TRABD: variants seen among roughly 807,000 people sequenced by gnomAD.
TRABD encodes the protein traB domain-containing protein.
In TRABD, 23 loss-of-function variants were observed where a neutral mutation model predicts 39.6. The observed-to-expected ratio is 0.58, with a 90% CI of 0.42 to 0.82. The LOEUF (loss-of-function observed/expected upper bound fraction) is 0.82, where lower values mean the gene tolerates loss of function less well. Ranked by LOEUF, TRABD falls within the 40% of genes least tolerant of loss-of-function variation. TRABD has a pLI of 0.00. For missense variants in TRABD, 487 were observed against 544.9 expected (o/e 0.89, Z 1.06); for synonymous variants, 243 against 232.1 (o/e 1.05, Z -0.43).
chr22:50,195,148 G>C lies in TRABD; in HGVS notation c.420+108G>C, dbSNP rs543434716. On this transcript the variant is annotated intron_variant, in intron 5 of 9. Transcript: ENST00000380909. Reference sequence around the variant, plus strand: ...CCATGCCCCCAGTCAGTGTGGCTGTGCCTGGCCTGCCCTGGGGATTGCCGG... The same window carrying C: ...CCATGCCCCCAGTCAGTGTGGCTGTCCCTGGCCTGCCCTGGGGATTGCCGG... 17 of 1,389,114 alleles carry C rather than the reference G, an allele frequency of 1.2e-5. No individual in the cohort carries two copies. The African/African-American group carries it at 1.7e-4, about 14-fold the overall frequency. 86.0% of individuals were successfully genotyped at this position (1,389,114 alleles called of 1,614,324 possible).
At position 50,198,085 on chromosome 22, in the gene TRABD, G is replaced by A. The variant is rs145908973; in HGVS notation, c.855G>A (p.Arg285=). The change falls in exon 9 of 10, where the codon AGG becomes AGA. Residue 285 remains arginine (R), a synonymous_variant. Transcript: ENST00000380909. This position sits in a 1 kb window ranked among gnomAD's most constrained non-coding sequence, Gnocchi z 7.9. ...TGTCCTTCCCCACAGCCGAGCCCAG[G>A]AAGTGCGTCCCCTCCGTGGTCGTGG... ...ELPRASDAEP[R]KCVPSVVVGV... The A allele has an allele frequency of 8.6e-4, 1,381 of 1,612,700 alleles. 1 individual carries two copies. The highest frequency in any genetic ancestry group is 1.2e-3 in the Admixed American group (74 of 59,962).
At chr22:50,192,563 C>T (rs1196393794) in intron 1 of TRABD, among the ~76,000 whole-genome samples, 5 of 152,188 alleles carry the variant, frequency 3.3e-5, no homozygotes, top group Non-Finnish European at 5.9e-5. Flanking sequence ...GACTCTGTGC[C>T]GGTGTTGTTG....
Position 50,198,280 on chromosome 22 carries a change from G to C in TRABD, c.957-65G>C, listed in dbSNP as rs1021322151. The C allele has an allele frequency of 9.0e-5, 137 of 1,514,696 alleles. No individual in the cohort carries two copies. Among genetic ancestry groups the C allele is most frequent in the Non-Finnish European group, 3.1e-5 (35 of 1,115,804 alleles). 93.8% of individuals were successfully genotyped at this position (1,514,696 alleles called of 1,614,324 possible). ...GCCAACCACATGCGGCAGTGACCCAGGCATGGGGGCTGGGGTATGGGGAGC... is the reference window on the plus strand; with the variant it reads ...GCCAACCACATGCGGCAGTGACCCACGCATGGGGGCTGGGGTATGGGGAGC... On this transcript the variant is annotated intron_variant, in intron 9 of 9. Transcript: ENST00000380909. The surrounding 1 kb of genome is among the most constrained non-coding windows in gnomAD (Gnocchi z 7.9).
chr22:50,188,125 CAA>C (rs1220731636), intron 1 of TRABD, among the ~76,000 whole-genome samples: 1 of 146,358 alleles, frequency 6.8e-6, no homozygotes, highest in Non-Finnish European at 1.5e-5. Flanking sequence ...ACTAAAAATA[CAA>C]AAATTAGCTG....
chr22:50,195,180 G>A, intron 5 of TRABD, 140 bp downstream of exon 5: 1 of 1,149,842 alleles, frequency 8.7e-7, no homozygotes, highest in South Asian at 1.6e-5. Context: ...CCGGGTTAGG[G>A]ACCTCCCCTG....
chr22:50,195,797 C>T (rs2064082000), intron 5 of TRABD, among the ~76,000 whole-genome samples: 1 of 152,158 alleles, frequency 6.6e-6, no homozygotes, highest in South Asian at 2.1e-4. Context: ...CCCAGCACGC[C>T]TGACCCCAGC....
chr22:50,190,638 G>C (rs2063875201), intron 1 of TRABD: 1 of 152,540 alleles, frequency 6.6e-6, no homozygotes, highest in African/African-American at 2.4e-5. Flanking sequence ...TAATGGTCCG[G>C]ACTTCCGTGT....
At chr22:50,196,520 C>T (rs981430567) in intron 5 of TRABD, among the ~76,000 whole-genome samples, 2 of 152,132 alleles carry the variant, frequency 1.3e-5, no homozygotes, top group Non-Finnish European at 2.9e-5. Context: ...GGCAATAGGC[C>T]TCGGGCTGTA....
intron 2 of TRABD, 25 bp from the exon 3 acceptor site, chr22:50,193,551 C>T (rs767726299): frequency 1.1e-5 from 18 of 1,612,310 alleles, no homozygotes; most frequent in Admixed American, 1.7e-5. Flanking sequence ...TGGACCCTGA[C>T]TTGAACTCTC....
chr22:50,198,189 G>A lies in TRABD; in HGVS notation c.956+3G>A, dbSNP rs368315127. On this transcript the variant is annotated splice_donor_region_variant and intron_variant, in intron 9 of 9. Coordinates refer to ENST00000380909, the MANE Select transcript of TRABD (RefSeq NM_001320485.2). This position sits in a 1 kb window ranked among gnomAD's most constrained non-coding sequence, Gnocchi z 7.9. Reference sequence around the variant, plus strand: ...CTCAACATCCAGGAGATCATGACGTGAGTGCCCGCCCCTCCCTGCAAGCCC... The same window carrying A: ...CTCAACATCCAGGAGATCATGACGTAAGTGCCCGCCCCTCCCTGCAAGCCC... The A allele has an allele frequency of 5.1e-5, 82 of 1,603,594 alleles. No individual in the cohort carries two copies. Among genetic ancestry groups the A allele is most frequent in the Non-Finnish European group, 6.6e-5 (78 of 1,175,828 alleles).
chr22:50,196,642 C>T lies in TRABD; in HGVS notation c.421-599C>T, dbSNP rs186112620. Among the ~76,000 whole-genome samples the T allele has an allele frequency of 2.6e-5, 4 of 152,192 alleles. No homozygotes were observed. The East Asian group carries it at 7.7e-4, about 29-fold the overall frequency. ...TCCAGCCTGCCTGCCCAGCACCCAG[C>T]GTCTGTGCCAGCTCAAGGCGGCCCC... On this transcript the variant is annotated intron_variant, in intron 5 of 9. Transcript: ENST00000380909.
rs374922285 is a variant in TRABD, at chr22:50,198,092, G to A, written c.862G>A (p.Val288Ile). Residue 288 changes from valine to isoleucine, a missense_variant, in exon 9 of 10, where the codon GTC (valine) becomes ATC (isoleucine). Coordinates refer to ENST00000380909, the MANE Select transcript of TRABD (RefSeq NM_001320485.2). The surrounding 1 kb of genome is among the most constrained non-coding windows in gnomAD (Gnocchi z 7.9). ...RASDAEPRKC[V>I]PSVVVGVVGM... ...CCCCACAGCCGAGCCCAGGAAGTGC[G>A]TCCCCTCCGTGGTCGTGGGCGTCGT... The A allele has an allele frequency of 3.1e-5, 50 of 1,612,556 alleles. No homozygotes were observed. The highest frequency in any genetic ancestry group is 1.3e-4 in the Admixed American group (8 of 59,924).
Position 50,193,562 on chromosome 22 carries a change from CT to C in TRABD, c.34-11del, listed in dbSNP as rs1234579714. 6 of 1,613,444 alleles carry C rather than the reference CT, an allele frequency of 3.7e-6. No individual in the cohort carries two copies. In the East Asian group the frequency reaches 1.3e-4, roughly 36 times the overall value. On this transcript the variant is annotated splice_polypyrimidine_tract_variant and intron_variant, in intron 2 of 9. Transcript: ENST00000380909. Reference sequence around the variant, plus strand: ...TGCATGGACCCTGACTTGAACTCTCCTTTCCACCTGCAGGCCAACGTGGAAC... The same window carrying C: ...TGCATGGACCCTGACTTGAACTCTCCTTCCACCTGCAGGCCAACGTGGAAC...
At chr22:50,196,506 CAG>C (rs1393263092) in intron 5 of TRABD, among the ~76,000 whole-genome samples, 3 of 152,178 alleles carry the variant, frequency 2.0e-5, no homozygotes, top group Non-Finnish European at 4.4e-5. Context: ...GCCGGTGAGA[CAG>C]GGGCAATAGG....
intron 5 of TRABD, among the ~76,000 whole-genome samples, 183 bp downstream of exon 5, chr22:50,195,223 G>C (rs1001931445): frequency 6.6e-6 from 1 of 152,166 alleles, no homozygotes; most frequent in African/African-American, 2.4e-5. Context: ...TCCATTACCC[G>C]GTTTCAGGCA....
chr22:50,195,817 T>C (rs1017455222), intron 5 of TRABD, among the ~76,000 whole-genome samples: 3 of 151,938 alleles, frequency 2.0e-5, no homozygotes, highest in Admixed American at 2.0e-4. Flanking sequence ...CCCTGGTCAG[T>C]TTGCCTTCCC....
chr22:50,197,668 G>A (rs115013776), intron 7 of TRABD, 80 bp downstream of exon 7: 33,520 of 1,583,612 alleles, frequency 0.021, 488 homozygotes, highest in South Asian at 0.056. Flanking sequence ...AGGTCCAAGC[G>A]CAGCCAATCC....
chr22:50,198,270 C>G lies in TRABD; in HGVS notation c.957-75C>G. 1 of 1,517,910 alleles carries G rather than the reference C, an allele frequency of 6.6e-7. No homozygotes were observed. The highest frequency in any genetic ancestry group is 2.4e-5 in the East Asian group (1 of 41,962). The allele number at this position is 1,517,910 out of a possible 1,614,324, so 94.0% of individuals were successfully genotyped here. On this transcript the variant is annotated intron_variant, in intron 9 of 9. Transcript: ENST00000380909. This position sits in a 1 kb window ranked among gnomAD's most constrained non-coding sequence, Gnocchi z 7.9. ...CGCCCTGGAGGCCAACCACATGCGGCAGTGACCCAGGCATGGGGGCTGGGG... is the reference window on the plus strand; with the variant it reads ...CGCCCTGGAGGCCAACCACATGCGGGAGTGACCCAGGCATGGGGGCTGGGG...
intron 1 of TRABD, chr22:50,191,802 A>G (rs2063915339): frequency 6.6e-6 from 1 of 152,180 alleles, no homozygotes; most frequent in Non-Finnish European, 1.5e-5. Flanking sequence ...CCCAGGTTGG[A>G]GTGCAGTGAC....
Sources: allele counts gnomAD v4.1 joint callset (sites outside exome capture counted in the v4.1 genomes callset), GRCh38; gene constraint gnomAD v4.1.1; non-coding constraint Gnocchi (gnomAD v3.1); transcripts MANE v1.5; gene names NCBI Gene and HGNC (gene_info 2026-07-23, HGNC 2026-07-21).